The following JARID2 variants were observed in gnomAD, a reference collection of about 807,000 sequenced individuals.
JARID2 encodes the protein jumonji and AT-rich interaction domain containing 2.
Under a neutral mutation model 125.6 loss-of-function variants are expected in JARID2, and 21 were observed. The ratio of observed to expected loss-of-function variants is 0.17; its 90% CI spans 0.12 to 0.24. The LOEUF (loss-of-function observed/expected upper bound fraction) is 0.24. Ranked by LOEUF, JARID2 falls within the 10% of genes least tolerant of loss-of-function variation. The pLI is 1.00. For synonymous variants in JARID2, 736 were observed against 661.6 expected (o/e 1.11, Z -1.73); for missense variants, 1,303 against 1,639.6 (o/e 0.79, Z 3.55).
At chr6:15,332,043 TGC>T (rs1359709565) in intron 1 of JARID2, among the ~76,000 whole-genome samples, 1 of 152,168 alleles carries the variant, frequency 6.6e-6, no homozygotes, top group African/African-American at 2.4e-5. Flanking sequence ...CAGGAACTGA[TGC>T]CCTCAGAAAG....
intron 1 of JARID2, among the ~76,000 whole-genome samples, chr6:15,259,106 G>C (rs1223575037): frequency 6.6e-6 from 1 of 152,218 alleles, no homozygotes; most frequent in African/African-American, 2.4e-5. Flanking sequence ...TCCCTGGTTT[G>C]TGAGGATGAG....
intron 2 of JARID2, among the ~76,000 whole-genome samples, chr6:15,380,383 T>TAAG (rs1490029298): frequency 1.3e-5 from 2 of 152,140 alleles, no homozygotes; most frequent in African/African-American, 4.8e-5. Flanking sequence ...GAAGGCATGG[T>TAAG]AAGTATTTAT....
chr6:15,261,863 G>C (rs995721614), intron 1 of JARID2, among the ~76,000 whole-genome samples: 3 of 142,796 alleles, frequency 2.1e-5, no homozygotes, highest in Non-Finnish European at 1.5e-5. Context: ...GGCTCACCAC[G>C]ACCTCCACCT....
chr6:15,327,968 G>A (rs1430751231), intron 1 of JARID2, among the ~76,000 whole-genome samples: 1 of 152,060 alleles, frequency 6.6e-6, no homozygotes, highest in Non-Finnish European at 1.5e-5. Flanking sequence ...TATCTTGTTT[G>A]TTTTCAGAGA....
chr6:15,476,523 A>G (rs1199692832), intron 5 of JARID2, among the ~76,000 whole-genome samples: 1 of 152,240 alleles, frequency 6.6e-6, no homozygotes, highest in African/African-American at 2.4e-5. Context: ...TTTTGCAAAC[A>G]TTACACAGGA....
At chr6:15,291,132 A>ACGTTG (rs1375197309) in intron 1 of JARID2, among the ~76,000 whole-genome samples, 12 of 152,074 alleles carry the variant, frequency 7.9e-5, no homozygotes, top group Non-Finnish European at 1.5e-4. Context: ...GTTACTCAGG[A>ACGTTG]CGTTGCGGTG....
At chr6:15,422,177 T>C (rs1169240519) in intron 3 of JARID2, among the ~76,000 whole-genome samples, 1 of 152,212 alleles carries the variant, frequency 6.6e-6, no homozygotes, top group African/African-American at 2.4e-5. Context: ...GACTGTTGTT[T>C]CAGGTAGCTG....
chr6:15,248,034 C>T, intron 1 of JARID2: 1 of 985,402 alleles, frequency 1.0e-6, no homozygotes, highest in Non-Finnish European at 1.2e-6. Context: ...CATTCCGGAC[C>T]TCGTTGAGGT....
At chr6:15,470,566 C>A (rs1355520333) in intron 5 of JARID2, among the ~76,000 whole-genome samples, 2 of 152,190 alleles carry the variant, frequency 1.3e-5, no homozygotes, top group Non-Finnish European at 2.9e-5. Flanking sequence ...TTGCCTCTTG[C>A]TTTTGATTGT....
intron 1 of JARID2, among the ~76,000 whole-genome samples, chr6:15,260,364 C>T (rs965115191): frequency 6.6e-5 from 10 of 152,098 alleles, no homozygotes; most frequent in Admixed American, 2.0e-4. Context: ...CTCAAAACTA[C>T]TGTTAGGATT....
intron 1 of JARID2, among the ~76,000 whole-genome samples, chr6:15,300,681 T>TG (rs2127409961): frequency 8.4e-6 from 1 of 119,710 alleles, no homozygotes; most frequent in East Asian, 2.8e-4. Context: ...AGTGTCCTCA[T>TG]GTTGTGTGTG....
At position 15,305,735 on chromosome 6, in the gene JARID2, C is replaced by T. The variant is rs146339974; in HGVS notation, c.45+59151C>T. 7.2e-5 allele frequency among the ~76,000 whole-genome samples: 11 copies of T among 152,246 alleles called. 1 individual carries two copies. Among genetic ancestry groups the T allele is most frequent in the African/African-American group, 2.6e-4 (11 of 41,546 alleles). ...TTCTTGGCCTTGATTCCTCCCCACC[C>T]CCATCTCTTTGGAGCACCCCTCCAA... On this transcript the variant is annotated intron_variant, in intron 1 of 17. Coordinates refer to ENST00000341776, the MANE Select transcript of JARID2 (RefSeq NM_004973.4).
intron 1 of JARID2, among the ~76,000 whole-genome samples, chr6:15,293,530 C>A (rs1435250442): frequency 2.0e-5 from 3 of 152,156 alleles, no homozygotes; most frequent in Admixed American, 6.5e-5. Flanking sequence ...AAATGTATTT[C>A]TATTTATTTA....
rs1475345285 is a variant in JARID2, at chr6:15,521,177, T to C, written c.*926T>C. ...CATTCCATCTCCATCTCACCGCTTC[T>C]TGTTTGACACCTTCACAAGTCAGCA... On this transcript the variant is annotated 3_prime_UTR_variant, in exon 18 of 18. Transcript: ENST00000341776. The C allele has an allele frequency of 1.3e-5, 2 of 158,046 alleles. No homozygotes were observed. The highest frequency in any genetic ancestry group is 4.8e-5 in the African/African-American group (2 of 41,452). 9.8% of individuals were successfully genotyped at this position (158,046 alleles called of 1,614,324 possible).
At chr6:15,322,925 G>A (rs997054858) in intron 1 of JARID2, among the ~76,000 whole-genome samples, 1 of 152,170 alleles carries the variant, frequency 6.6e-6, no homozygotes, top group Non-Finnish European at 1.5e-5. Flanking sequence ...AAACATAACA[G>A]CATACTCTTA....
At chr6:15,292,558 C>T (rs1381772599) in intron 1 of JARID2, among the ~76,000 whole-genome samples, 1 of 152,150 alleles carries the variant, frequency 6.6e-6, no homozygotes, top group Non-Finnish European at 1.5e-5. Flanking sequence ...TGTAACACTC[C>T]TGAGTCCCGG....
chr6:15,512,122 C>T (rs1771308789), intron 13 of JARID2, 86 bp from the exon 14 acceptor site: 1 of 1,130,558 alleles, frequency 8.8e-7, no homozygotes, highest in Non-Finnish European at 1.3e-6. Flanking sequence ...GAGAGCAGGC[C>T]TCTTAGGGTG....
In JARID2 at chr6:15,468,819, G is replaced by A. The variant is rs191037863; in HGVS notation, c.670+101G>A. Reference sequence around the variant, plus strand: ...AAGAGATGAGATGAAGGCAAAGCTCGTTCTGGGTACTTCTCCAGGGCCAGA... The same window carrying A: ...AAGAGATGAGATGAAGGCAAAGCTCATTCTGGGTACTTCTCCAGGGCCAGA... On this transcript the variant is annotated intron_variant, in intron 5 of 17. Coordinates refer to ENST00000341776, the MANE Select transcript of JARID2 (RefSeq NM_004973.4). 8.0e-5 allele frequency: 93 copies of A among 1,160,360 alleles called. 1 individual carries two copies. In the East Asian group the frequency reaches 1.1e-3, roughly 14 times the overall value. The allele number at this position is 1,160,360 out of a possible 1,614,324, so 71.9% of individuals were successfully genotyped here.
intron 1 of JARID2, among the ~76,000 whole-genome samples, chr6:15,329,046 A>C (rs1277973296): frequency 6.6e-6 from 1 of 152,160 alleles, no homozygotes; most frequent in Non-Finnish European, 1.5e-5. Context: ...CCACATGAGC[A>C]TCTGTACACC....
Sources: gnomAD v4.1 joint callset for allele counts (sites outside exome capture counted in the v4.1 genomes callset) on GRCh38, gnomAD v4.1.1 for gene constraint, MANE v1.5 for transcripts, NCBI Gene and HGNC (gene_info 2026-07-23, HGNC 2026-07-21) for gene names.